AKAP13: variants seen among roughly 807,000 people sequenced by gnomAD.
The protein encoded by AKAP13 is A-kinase anchoring protein 13, also known as A-kinase anchor protein 13.
A neutral mutation model predicts 264.5 loss-of-function variants in AKAP13; 80 were observed. The observed-to-expected ratio is 0.30, with a 90% CI of 0.25 to 0.36. The LOEUF (loss-of-function observed/expected upper bound fraction) is 0.36, where lower values mean the gene tolerates loss of function less well. AKAP13 is among the 10% of genes least tolerant of loss of function. AKAP13 has a pLI of 1.00. For missense variants in AKAP13, 3,712 were observed against 3,435.2 expected (o/e 1.08, Z -2.01); for synonymous variants, 1,380 against 1,250.2 (o/e 1.10, Z -2.19).
Position 85,744,848 on chromosome 15 carries a change from G to A in AKAP13, c.*171G>A, listed in dbSNP as rs867997619. On this transcript the variant is annotated 3_prime_UTR_variant, in exon 37 of 37. Transcript: ENST00000394518. ...TAAGCAACAGATGATATTGAGTGTC[G>A]GGTGGGGAAGGAGGCCCAGACTCTG... The A allele has an allele frequency of 3.4e-5, 19 of 559,922 alleles. No individual in the cohort carries two copies. Among genetic ancestry groups the A allele is most frequent in the South Asian group, 4.9e-5 (2 of 40,572 alleles). 34.7% of individuals were successfully genotyped at this position (559,922 alleles called of 1,614,324 possible).
chr15:85,645,986 A>C (rs2151490488), intron 10 of AKAP13, 32 bp downstream of exon 10: 1 of 1,601,954 alleles, frequency 6.2e-7, no homozygotes, highest in Middle Eastern at 1.7e-4. Context: ...CATTTTTGTC[A>C]CACGGCTTTT....
intron 14 of AKAP13, among the ~76,000 whole-genome samples, chr15:85,676,687 A>C (rs961454595): frequency 2.0e-4 from 30 of 152,326 alleles, no homozygotes; most frequent in African/African-American, 7.2e-4. Flanking sequence ...TCACTACTAG[A>C]TGTTTTTAGT....
intron 16 of AKAP13, chr15:85,689,798 C>G (rs1401580327): frequency 6.6e-6 from 1 of 152,268 alleles, no homozygotes; most frequent in South Asian, 2.1e-4. Flanking sequence ...GGTCTCGTTT[C>G]ATTTCCTGTA....
intron 8 of AKAP13, among the ~76,000 whole-genome samples, chr15:85,589,222 C>T (rs551130648): frequency 6.6e-6 from 1 of 152,188 alleles, no homozygotes; most frequent in African/African-American, 2.4e-5. Flanking sequence ...GGAAAGAGAG[C>T]AGAGGTCGGC....
intron 8 of AKAP13, among the ~76,000 whole-genome samples, chr15:85,627,089 T>C (rs1449047293): frequency 6.6e-6 from 1 of 152,202 alleles, no homozygotes; most frequent in Non-Finnish European, 1.5e-5. Context: ...TATTATTTAC[T>C]ATGAATGCCA....
chr15:85,566,073 G>C (rs1475815612), intron 5 of AKAP13, among the ~76,000 whole-genome samples: 2 of 152,202 alleles, frequency 1.3e-5, no homozygotes, highest in African/African-American at 4.8e-5. Flanking sequence ...AGCAGATGAT[G>C]TTGGAACTAA....
chr15:85,565,326 A>C (rs1469983425), intron 5 of AKAP13, among the ~76,000 whole-genome samples: 1 of 151,740 alleles, frequency 6.6e-6, no homozygotes, highest in Admixed American at 6.6e-5. Flanking sequence ...TCTTTCTTTC[A>C]CTTGTTTTTT....
At position 85,735,091 on chromosome 15, in the gene AKAP13, T is replaced by G. The variant is rs2088341999; in HGVS notation, c.7382T>G (p.Leu2461Arg). The G allele has an allele frequency of 3.1e-6, 5 of 1,614,120 alleles. No individual in the cohort carries two copies. The highest frequency in any genetic ancestry group is 2.2e-5 in the East Asian group (1 of 44,894). ...IEQDVVGPVS[L>R]PRRAETFGGF... ...CAAGATGTGGTCGGTCCCGTTTCCCTGCCCCGGAGAGCAGAGACCTTTGGA... is the reference window on the plus strand; with the variant it reads ...CAAGATGTGGTCGGTCCCGTTTCCCGGCCCCGGAGAGCAGAGACCTTTGGA... Residue 2461 changes from leucine (L) to arginine (R), a missense_variant, in exon 31 of 37, where the codon CTG becomes CGG. Transcript: ENST00000394518.
At chr15:85,391,545 C>G in intron 1 of AKAP13, among the ~76,000 whole-genome samples, 1 of 145,814 alleles carries the variant, frequency 6.9e-6, no homozygotes, top group East Asian at 2.0e-4. Context: ...AGTGCAGTGG[C>G]GCGATCTCGG....
chr15:85,534,098 A>G, intron 4 of AKAP13: 1 of 482,112 alleles, frequency 2.1e-6, no homozygotes, highest in Non-Finnish European at 3.6e-6. Context: ...CCTAGGGATT[A>G]CCCAAGGAGA....
chr15:85,699,927 A>G (rs1333937355), intron 17 of AKAP13, among the ~76,000 whole-genome samples: 1 of 152,220 alleles, frequency 6.6e-6, no homozygotes, highest in Non-Finnish European at 1.5e-5. Flanking sequence ...TTGAAGACCC[A>G]AAGAATCTTG....
At chr15:85,735,194 T>G (rs2088353064) in intron 31 of AKAP13, 44 bp downstream of exon 31, 2 of 1,585,198 alleles carry the variant, frequency 1.3e-6, no homozygotes, top group African/African-American at 2.7e-5. Flanking sequence ...AATCCTTGAC[T>G]ATCTCACACA....
At chr15:85,525,387 G>T (rs2076999406) in intron 3 of AKAP13, among the ~76,000 whole-genome samples, 1 of 152,126 alleles carries the variant, frequency 6.6e-6, no homozygotes, top group Non-Finnish European at 1.5e-5. Context: ...CAGTGAGCAT[G>T]TTATTTTTAT....
At chr15:85,702,543 G>A (rs2085993023) in intron 17 of AKAP13, 1 of 151,856 alleles carries the variant, frequency 6.6e-6, no homozygotes, top group Non-Finnish European at 1.5e-5. Flanking sequence ...TTACCTCCTA[G>A]GAAACCTTTG....
At chr15:85,691,580 C>T (rs1051889333) in intron 16 of AKAP13, among the ~76,000 whole-genome samples, 9 of 152,214 alleles carry the variant, frequency 5.9e-5, no homozygotes, top group South Asian at 2.1e-4. Flanking sequence ...GTCTCTAGAA[C>T]ATTTCTGACA....
chr15:85,559,466 C>T (rs1429433092), intron 5 of AKAP13, among the ~76,000 whole-genome samples: 1 of 152,084 alleles, frequency 6.6e-6, no homozygotes, highest in African/African-American at 2.4e-5. Context: ...ATTTATCATG[C>T]ACTTTATTTC....
intron 29 of AKAP13, 94 bp from the exon 30 acceptor site, chr15:85,730,419 T>C (rs2151750295): frequency 3.7e-6 from 5 of 1,351,034 alleles, no homozygotes; most frequent in Non-Finnish European, 5.1e-6. Flanking sequence ...CTTGTCACTT[T>C]CCATAAATTA....
chr15:85,522,945 C>T (rs1180561359), intron 3 of AKAP13, among the ~76,000 whole-genome samples: 15 of 143,238 alleles, frequency 1.0e-4, no homozygotes, highest in South Asian at 2.4e-4. Flanking sequence ...CCCCCCGTCG[C>T]CCCCATCCCA....
chr15:85,409,856 A>G (rs1432314158), intron 1 of AKAP13, among the ~76,000 whole-genome samples: 1 of 148,202 alleles, frequency 6.7e-6, no homozygotes, highest in Non-Finnish European at 1.5e-5. Flanking sequence ...TGGTCTCTAT[A>G]TCCTGACCTC....
Sources: allele counts gnomAD v4.1 joint callset (sites outside exome capture counted in the v4.1 genomes callset), GRCh38; gene constraint gnomAD v4.1.1; transcripts MANE v1.5; gene names NCBI Gene and HGNC (gene_info 2026-07-23, HGNC 2026-07-21).